The following GOLIM4 variants were observed in gnomAD, a reference collection of about 807,000 sequenced individuals.
GOLIM4 encodes 130 kDa golgi-localized phosphoprotein.
In GOLIM4, 71 loss-of-function variants were observed where a neutral mutation model predicts 107.4. The ratio of observed to expected loss-of-function variants is 0.66; its 90% CI spans 0.55 to 0.81. The LOEUF (loss-of-function observed/expected upper bound fraction) is 0.81. GOLIM4 is among the 30% of genes least tolerant of loss of function. GOLIM4 has a pLI of 0.00. For missense variants in GOLIM4, 830 were observed against 826.1 expected, an observed-to-expected ratio of 1.00 and a Z score of -0.06; for synonymous variants, 327 against 294.8, an observed-to-expected ratio of 1.11 and a Z score of -1.12.
In GOLIM4 at chr3:168,033,606, C is replaced by CAAAAAAAAAA. The variant is rs61728774; in HGVS notation, c.844-764_844-755dup. On this transcript the variant is annotated intron_variant, in intron 8 of 15. Transcript: ENST00000470487. ...TGGGCGACAGAGCAAGACTCCGTCT[C>CAAAAAAAAAA]AAAAAAAAAAAAAAAAAAAAAAAAA... is the stretch of plus-strand genomic sequence containing the variant. 5.4e-4 allele frequency among the ~76,000 whole-genome samples: 17 copies of CAAAAAAAAAA among 31,316 alleles called. 2 individuals carry two copies. The highest frequency in any genetic ancestry group is 2.3e-3 in the Admixed American group (3 of 1,278). 20.5% of individuals were successfully genotyped at this position (31,316 alleles called of 152,430 possible).
At chr3:168,047,831 T>G (rs1413583301) in intron 2 of GOLIM4, among the ~76,000 whole-genome samples, 1 of 152,114 alleles carries the variant, frequency 6.6e-6, no homozygotes, top group East Asian at 1.9e-4. Context: ...TAAAAACAGG[T>G]GCATAACTTA....
rs780152152 is a variant in GOLIM4, at chr3:168,029,921, T to C, written c.1292A>G (p.Gln431Arg). ...VEEAQQLREH[Q>R]EALHQQRLQG... is the part of the protein sequence containing the mutation. ...CAGCCTCTGCTGGTGCAAAGCTTCC[T>C]GGTGTTCCCGCAGCTGCTGGGCCTC... The change falls in exon 10 of 16, where the codon CAG becomes CGG. Residue 431 changes from glutamine (Q) to arginine (R), a missense_variant. By Grantham distance (43) the Gln-to-Arg change is conservative. Coordinates refer to ENST00000470487, the MANE Select transcript of GOLIM4 (RefSeq NM_014498.5). 1.1e-5 allele frequency: 18 copies of C among 1,614,038 alleles called. No individual in the cohort carries two copies. In the Admixed American group the frequency reaches 3.0e-4, roughly 27 times the overall value.
At chr3:168,013,647 T>A (rs1038924943) in intron 14 of GOLIM4, among the ~76,000 whole-genome samples, 1 of 150,700 alleles carries the variant, frequency 6.6e-6, no homozygotes, top group South Asian at 2.1e-4. Flanking sequence ...GAAGTAAAGC[T>A]CTCCTCAGCA....
chr3:168,035,596 A>G (rs1306681622), intron 8 of GOLIM4, among the ~76,000 whole-genome samples: 1 of 152,218 alleles, frequency 6.6e-6, no homozygotes. Flanking sequence ...GAGCTAAATG[A>G]TGAGACACAT....
intron 1 of GOLIM4, among the ~76,000 whole-genome samples, chr3:168,084,706 C>T (rs1219685325): frequency 6.6e-6 from 1 of 152,072 alleles, no homozygotes; most frequent in African/African-American, 2.4e-5. Flanking sequence ...AAATGGGGTG[C>T]TGTCATAAAA....
chr3:168,026,627 C>T (rs1718009204), intron 12 of GOLIM4, among the ~76,000 whole-genome samples: 1 of 152,200 alleles, frequency 6.6e-6, no homozygotes, highest in Non-Finnish European at 1.5e-5. Context: ...TTCCTCCCAC[C>T]CCATGCACAT....
chr3:168,030,308 C>T (rs976168197), intron 9 of GOLIM4, among the ~76,000 whole-genome samples: 14 of 152,082 alleles, frequency 9.2e-5, no homozygotes, highest in South Asian at 6.2e-4. Context: ...AAGGGACAAC[C>T]GAAGATAACA....
At position 168,029,074 on chromosome 3, in the gene GOLIM4, A is replaced by G; in HGVS notation, c.1513+149T>C. 9.5e-6 allele frequency: 5 copies of G among 528,366 alleles called. No homozygotes were observed. In the South Asian group the frequency reaches 1.4e-4, roughly 15 times the overall value. 32.7% of individuals were successfully genotyped at this position (528,366 alleles called of 1,614,324 possible). A position where few individuals can be genotyped will look rare whatever the true frequency, so the allele number is the denominator to read the frequency against. ...TCACTACCAGCATGTACTGTTTAAG[A>G]GGATTAAGAAAAAGACATGATTCAC... On this transcript the variant is annotated intron_variant, in intron 11 of 15. Coordinates refer to ENST00000470487, the MANE Select transcript of GOLIM4 (RefSeq NM_014498.5).
chr3:168,044,948 A>T, intron 3 of GOLIM4, 67 bp from the exon 4 acceptor site: 2 of 851,042 alleles, frequency 2.4e-6, no homozygotes, highest in Non-Finnish European at 3.7e-6. Flanking sequence ...TACAGCTTAA[A>T]GCACTTTAAA....
chr3:168,036,774 C>T (rs1265864798), intron 8 of GOLIM4, 62 bp downstream of exon 8: 2 of 1,324,776 alleles, frequency 1.5e-6, no homozygotes, highest in Non-Finnish European at 2.1e-6. Context: ...AAAGCAGGTC[C>T]CCTCTTGGCA....
chr3:168,062,530 G>T (rs1252295014), intron 1 of GOLIM4, among the ~76,000 whole-genome samples: 1 of 151,492 alleles, frequency 6.6e-6, no homozygotes, highest in African/African-American at 2.4e-5. Context: ...AAAAGATTTT[G>T]TCAGGTGCCC....
At chr3:168,052,327 C>T (rs9824277) in intron 1 of GOLIM4, among the ~76,000 whole-genome samples, 85,558 of 151,818 alleles carry the variant, frequency 0.56, 25,939 homozygotes, top group African/African-American at 0.76. Context: ...ACAAAGTAAT[C>T]ATATGTATGT....
chr3:168,016,740 T>C (rs1254992490), intron 14 of GOLIM4, among the ~76,000 whole-genome samples: 2 of 135,852 alleles, frequency 1.5e-5, no homozygotes, highest in East Asian at 3.9e-4. Flanking sequence ...ATGTCCTTTG[T>C]AGGGACATGG....
At position 168,027,740 on chromosome 3, in the gene GOLIM4, T is replaced by C; in HGVS notation, c.1611A>G (p.Glu537=). ...AGAGGATACTTACATCTGCCTCAGA[T>C]TCTGGGTCGGCTTCTCGGGGTCCTT... The part of the protein sequence containing the change: ...REQGPREADP[E]SEADRAAVED... Residue 537 remains glutamate, a synonymous_variant, in exon 12 of 16, where the codon GAA becomes GAG. Transcript: ENST00000470487. The C allele has an allele frequency of 6.2e-7, 1 of 1,600,388 alleles. No individual in the cohort carries two copies. The highest frequency in any genetic ancestry group is 8.6e-7 in the Non-Finnish European group (1 of 1,167,472).
intron 14 of GOLIM4, 56 bp downstream of exon 14, chr3:168,024,470 G>A (rs1452148774): frequency 8.4e-7 from 1 of 1,185,354 alleles, no homozygotes; most frequent in Non-Finnish European, 1.3e-6. Context: ...GTTTGTTTAA[G>A]GTTAGTGTGT....
chr3:168,056,115 C>G (rs867125886), intron 1 of GOLIM4, among the ~76,000 whole-genome samples: 1 of 152,190 alleles, frequency 6.6e-6, no homozygotes, highest in Non-Finnish European at 1.5e-5. Context: ...GGTCCCTGTG[C>G]TGTGTGCATC....
At position 168,048,287 on chromosome 3, in the gene GOLIM4, T is replaced by G; in HGVS notation, c.262+4A>C. The G allele has an allele frequency of 7.2e-7, 1 of 1,379,970 alleles. No individual in the cohort carries two copies. The allele number at this position is 1,379,970 out of a possible 1,614,324, so 85.5% of individuals were successfully genotyped here. A position where few individuals can be genotyped will look rare whatever the true frequency, so the allele number is the denominator to read the frequency against. On this transcript the variant is annotated splice_donor_region_variant and intron_variant, in intron 2 of 15. Transcript: ENST00000470487. ...CACAGAACACAAATTATGTATTTAC[T>G]TACCTTCCTTTGCTTTTTTATGTTC... is the stretch of plus-strand genomic sequence containing the variant.
intron 1 of GOLIM4, among the ~76,000 whole-genome samples, chr3:168,071,492 A>G (rs1367075133): frequency 2.0e-5 from 3 of 152,046 alleles, no homozygotes; most frequent in Non-Finnish European, 4.4e-5. Context: ...GCTGGCTGTC[A>G]TGGCAAGTTC....
At position 168,053,905 on chromosome 3, in the gene GOLIM4, TAAAAAG is replaced by T. The variant is rs77970835; in HGVS notation, c.188-5546_188-5541del. Among the ~76,000 whole-genome samples the T allele has an allele frequency of 6.5e-3, 987 of 152,000 alleles. 7 individuals carry two copies. The highest frequency in any genetic ancestry group is 0.01 in the Admixed American group (160 of 15,278). ...AAACAACCCCCATAAAAGAAAGAAA[TAAAAAG>T]AAAAAGGAGGTGGACCACTATTACC... On this transcript the variant is annotated intron_variant, in intron 1 of 15. Transcript: ENST00000470487.
Sources: gnomAD v4.1 joint callset for allele counts (sites outside exome capture counted in the v4.1 genomes callset) on GRCh38, gnomAD v4.1.1 for gene constraint, MANE v1.5 for transcripts, NCBI Gene and HGNC (gene_info 2026-07-23, HGNC 2026-07-21) for gene names.